Variants in MEDAG observed in about 807,000 individuals in gnomAD.
MEDAG encodes the protein mesenteric estrogen-dependent adipogenesis protein.
Under a neutral mutation model 29.9 loss-of-function variants are expected in MEDAG, and 25 were observed. The observed-to-expected ratio is 0.84, with a 90% confidence interval of 0.61 to 1.17. The LOEUF (loss-of-function observed/expected upper bound fraction) is 1.17, where lower values mean the gene tolerates loss of function less well. MEDAG is among the 50% of genes most tolerant of loss of function. MEDAG has a pLI of 0.00. For missense variants in MEDAG, 398 were observed against 372.9 expected, an observed-to-expected ratio of 1.07 and a Z score of -0.56; for synonymous variants, 158 against 148.2, an observed-to-expected ratio of 1.07 and a Z score of -0.48.
chr13:30,923,643 A>G (rs534215678), intron 4 of MEDAG, among the ~76,000 whole-genome samples: 2 of 152,254 alleles, frequency 1.3e-5, no homozygotes, highest in Non-Finnish European at 2.9e-5. Context: ...GCAGTGCCAT[A>G]TGTGCCTGGG....
In MEDAG at chr13:30,924,315, A is replaced by G; in HGVS notation, c.792A>G (p.Ser264=). ...GCTTTGTTTACTGTTTTTTAGGTTCAATAGATGATGTTTTTAACTGCAATC... is the reference window on the plus strand; with the variant it reads ...GCTTTGTTTACTGTTTTTTAGGTTCGATAGATGATGTTTTTAACTGCAATC... The part of the protein sequence containing the change: ...DRKFSVTSRG[S]IDDVFNCNLS... Residue 264 remains serine (S), a synonymous_variant, in exon 5 of 5, where the codon TCA becomes TCG. Coordinates refer to ENST00000380482, the MANE Select transcript of MEDAG (RefSeq NM_032849.4). The G allele has an allele frequency of 6.2e-7, 1 of 1,612,948 alleles. No individual in the cohort carries two copies. The highest frequency in any genetic ancestry group is 8.5e-7 in the Non-Finnish European group (1 of 1,179,522).
intron 1 of MEDAG, among the ~76,000 whole-genome samples, chr13:30,910,684 G>A (rs1394611068): frequency 6.6e-6 from 1 of 152,246 alleles, no homozygotes; most frequent in Non-Finnish European, 1.5e-5. Flanking sequence ...TTTTAAGGAA[G>A]CCACTAAAAG....
At chr13:30,915,413 C>T (rs537163734) in intron 1 of MEDAG, among the ~76,000 whole-genome samples, 4 of 152,304 alleles carry the variant, frequency 2.6e-5, no homozygotes, top group African/African-American at 9.6e-5. Flanking sequence ...CCTTTCTAGA[C>T]TCTGAGCCCC....
intron 1 of MEDAG, among the ~76,000 whole-genome samples, chr13:30,911,565 C>T (rs957479656): frequency 6.6e-6 from 1 of 152,132 alleles, no homozygotes; most frequent in Non-Finnish European, 1.5e-5. Context: ...TTTGGCTTGA[C>T]AGGACAATAT....
At chr13:30,924,033 A>G (rs1316261369) in intron 4 of MEDAG, among the ~76,000 whole-genome samples, 2 of 152,210 alleles carry the variant, frequency 1.3e-5, no homozygotes, top group African/African-American at 4.8e-5. Context: ...TGTCCTCAGT[A>G]ACTATTCCCA....
intron 1 of MEDAG, among the ~76,000 whole-genome samples, chr13:30,908,488 A>T (rs1422497109): frequency 6.6e-6 from 1 of 152,166 alleles, no homozygotes; most frequent in Non-Finnish European, 1.5e-5. Flanking sequence ...CCAGGAGGGA[A>T]TGTGGTCTAA....
rs1188908461 is a variant in MEDAG, at chr13:30,924,489, T to C, written c.*54T>C. 5 of 1,552,240 alleles carry C rather than the reference T, an allele frequency of 3.2e-6. No individual in the cohort carries two copies. The highest frequency in any genetic ancestry group is 1.4e-5 in the African/African-American group (1 of 72,874). On this transcript the variant is annotated 3_prime_UTR_variant, in exon 5 of 5. Coordinates refer to ENST00000380482, the MANE Select transcript of MEDAG (RefSeq NM_032849.4). The stretch of plus-strand genomic sequence containing the variant: ...CGCACTCCAGGCCTGTGCTAGACTA[T>C]AGGCTGGGGGGAGGGTAGGAGGTGG...
At chr13:30,913,468 AG>A (rs1393041390) in intron 1 of MEDAG, among the ~76,000 whole-genome samples, 2 of 152,130 alleles carry the variant, frequency 1.3e-5, no homozygotes, top group African/African-American at 4.8e-5. Context: ...CCTTGCCTCA[AG>A]CAGTCCTCCT....
chr13:30,906,741 G>C lies in MEDAG; in HGVS notation c.226G>C (p.Gly76Arg), dbSNP rs564558992. Residue 76 changes from glycine to arginine, a missense_variant, in exon 1 of 5, where the codon GGC (glycine) becomes CGC (arginine). Coordinates refer to ENST00000380482, the MANE Select transcript of MEDAG (RefSeq NM_032849.4). ...ARGGFNVFGD[G>R]LVRLDGQLYR... ...GGGGGGCTTCAACGTCTTCGGTGAC[G>C]GCCTCGTGCGCCTCGACGGGCAGCT... 1.2e-5 allele frequency: 18 copies of C among 1,511,864 alleles called. No individual in the cohort carries two copies. The South Asian group carries it at 2.3e-4, about 19-fold the overall frequency. The allele number at this position is 1,511,864 out of a possible 1,614,324, so 93.7% of individuals were successfully genotyped here.
chr13:30,912,065 C>A (rs189231710), intron 1 of MEDAG, among the ~76,000 whole-genome samples: 1 of 152,286 alleles, frequency 6.6e-6, no homozygotes, highest in East Asian at 1.9e-4. Context: ...ACAGTAGGTA[C>A]TCAGTAATCG....
chr13:30,912,112 C>T (rs1424921413), intron 1 of MEDAG, among the ~76,000 whole-genome samples: 1 of 152,108 alleles, frequency 6.6e-6, no homozygotes, highest in East Asian at 1.9e-4. Flanking sequence ...CATTCTCTGC[C>T]CCATCAGAGT....
At position 30,908,134 on chromosome 13, in the gene MEDAG, G is replaced by A. The variant is rs77781537; in HGVS notation, c.278+1341G>A. Among the ~76,000 whole-genome samples the A allele has an allele frequency of 8.1e-3, 1,235 of 152,308 alleles. 14 individuals carry two copies. Among genetic ancestry groups the A allele is most frequent in the African/African-American group, 0.028 (1,183 of 41,552 alleles). On this transcript the variant is annotated intron_variant, in intron 1 of 4. Transcript: ENST00000380482. ...GACAGAACCAGTTCTCCTAATTGTA[G>A]CAAACAGTGCTGCAGAATCTGAAAT...
intron 2 of MEDAG, 51 bp from the exon 3 acceptor site, chr13:30,920,963 C>T (rs772594937): frequency 2.1e-6 from 3 of 1,455,026 alleles, no homozygotes; most frequent in Non-Finnish European, 2.9e-6. Flanking sequence ...AAGAAGCATG[C>T]TTATGTCACA....
At chr13:30,912,427 G>A (rs940175666) in intron 1 of MEDAG, among the ~76,000 whole-genome samples, 5 of 152,098 alleles carry the variant, frequency 3.3e-5, no homozygotes, top group African/African-American at 1.2e-4. Context: ...GTGGCAAGCA[G>A]TTCCTGGGCC....
chr13:30,906,615 C>T lies in MEDAG; in HGVS notation c.100C>T (p.Leu34=). 6.3e-7 allele frequency: 1 copy of T among 1,584,544 alleles called. No individual in the cohort carries two copies. The highest frequency in any genetic ancestry group is 8.5e-7 in the Non-Finnish European group (1 of 1,174,202). The part of the protein sequence containing the change: ...SLWTCDCELA[L]LPLAQLLRLQ... ...GTGGACCTGCGACTGCGAGCTGGCC[C>T]TGCTGCCGCTGGCTCAGCTGCTGCG... The change falls in exon 1 of 5, where the codon CTG becomes TTG. Residue 34 remains leucine (L), a synonymous_variant. Transcript: ENST00000380482.
chr13:30,925,343 A>T lies in MEDAG; in HGVS notation c.*908A>T, dbSNP rs1005094034. ...AAAAGGAAAAAAAAATCCTATCTAC[A>T]TATAAAAACCTGCATGAATGAATCA... On this transcript the variant is annotated 3_prime_UTR_variant, in exon 5 of 5. Coordinates refer to ENST00000380482, the MANE Select transcript of MEDAG (RefSeq NM_032849.4). The T allele has an allele frequency of 6.6e-6, 1 of 152,230 alleles. No individual in the cohort carries two copies. Among genetic ancestry groups the T allele is most frequent in the Non-Finnish European group, 1.5e-5 (1 of 68,036 alleles). The allele number at this position is 152,230 out of a possible 1,614,324, so 9.4% of individuals were successfully genotyped here.
At chr13:30,912,086 G>A (rs1336336412) in intron 1 of MEDAG, among the ~76,000 whole-genome samples, 1 of 152,084 alleles carries the variant, frequency 6.6e-6, no homozygotes, top group Non-Finnish European at 1.5e-5. Context: ...TTCCTTCCAT[G>A]CATAAATGAA....
intron 2 of MEDAG, among the ~76,000 whole-genome samples, chr13:30,920,497 G>A (rs1452434368): frequency 6.6e-6 from 1 of 152,110 alleles, no homozygotes; most frequent in Non-Finnish European, 1.5e-5. Flanking sequence ...GCTGAGGCAG[G>A]AGGATCACTT....
chr13:30,924,229 G>A (rs1052780947), intron 4 of MEDAG, 82 bp from the exon 5 acceptor site: 11 of 1,365,212 alleles, frequency 8.1e-6, no homozygotes, highest in Non-Finnish European at 1.1e-5. Flanking sequence ...AAATAGTTAG[G>A]TTGCATGAAT....
Sources: allele counts gnomAD v4.1 joint callset (sites outside exome capture counted in the v4.1 genomes callset), GRCh38; gene constraint gnomAD v4.1.1; transcripts MANE v1.5; gene names NCBI Gene and HGNC (gene_info 2026-07-23, HGNC 2026-07-21).